Variants in TMEM181 observed in about 807,000 individuals in gnomAD.
The protein encoded by TMEM181 is transmembrane protein 181.
TMEM181 carries 39 observed loss-of-function variants against 71.9 expected under a neutral mutation model. That is an observed-to-expected ratio of 0.54 (90% confidence interval 0.42 to 0.71). The LOEUF (loss-of-function observed/expected upper bound fraction) is 0.71, where lower values mean the gene tolerates loss of function less well. Among genes scored for constraint, TMEM181 ranks in the 30% least tolerant of loss-of-function variants. TMEM181 has a pLI of 0.00. For synonymous variants in TMEM181, 245 were observed against 228.8 expected (o/e 1.07, Z -0.64); for missense variants, 595 against 583.0 (o/e 1.02, Z -0.21).
chr6:158,558,208 C>G (rs1238254572), upstream of TMEM181, among the ~76,000 whole-genome samples: 1 of 152,186 alleles, frequency 6.6e-6, no homozygotes, highest in Non-Finnish European at 1.5e-5. Flanking sequence ...GACCAGGCAG[C>G]TGGCACAGAG....
intron 1 of TMEM181, among the ~76,000 whole-genome samples, chr6:158,553,183 T>G: frequency 8.5e-6 from 1 of 117,988 alleles, no homozygotes; most frequent in Non-Finnish European, 1.7e-5. Flanking sequence ...GAGGGGTCCC[T>G]GTCTCCGAAA....
chr6:158,632,250 T>A lies in TMEM181; in HGVS notation c.*362T>A, dbSNP rs1786706761. 8.0e-6 allele frequency: 2 copies of A among 248,702 alleles called. No individual in the cohort carries two copies. The highest frequency in any genetic ancestry group is 1.6e-5 in the Non-Finnish European group (2 of 123,710). The allele number at this position is 248,702 out of a possible 1,614,324, so 15.4% of individuals were successfully genotyped here. ...TGATTCCAAGTTCACGGGCAGCCTG[T>A]GACTAGGTCCTCAGCGTGACAGCAT... is the stretch of plus-strand genomic sequence containing the variant. On this transcript the variant is annotated 3_prime_UTR_variant, in exon 17 of 17. Transcript: ENST00000684151.
chr6:158,603,413 G>T (rs1194992104), intron 6 of TMEM181, among the ~76,000 whole-genome samples: 2 of 152,244 alleles, frequency 1.3e-5, no homozygotes, highest in East Asian at 3.9e-4. Context: ...CTAATGCCCT[G>T]GCCGACCTGA....
intron 6 of TMEM181, among the ~76,000 whole-genome samples, chr6:158,594,852 T>C (rs1004540807): frequency 7.2e-5 from 11 of 152,122 alleles, no homozygotes; most frequent in African/African-American, 2.2e-4. Context: ...CATGCCCGGA[T>C]ACTTTTTGTA....
chr6:158,560,265 G>T (rs1276800750), intron 1 of TMEM181, 33 bp downstream of exon 1: 2 of 985,078 alleles, frequency 2.0e-6, no homozygotes, highest in African/African-American at 3.5e-5. Context: ...GGGCTGGCTG[G>T]CTCTCCGGAC....
intron 6 of TMEM181, among the ~76,000 whole-genome samples, chr6:158,597,460 G>T (rs568494058): frequency 1.3e-5 from 2 of 152,076 alleles, no homozygotes; most frequent in African/African-American, 4.8e-5. Context: ...GACACATTCT[G>T]TGCCCTCAGT....
chr6:158,588,585 G>A (rs1582992851), intron 5 of TMEM181, among the ~76,000 whole-genome samples: 1 of 152,182 alleles, frequency 6.6e-6, no homozygotes, highest in Admixed American at 6.5e-5. Flanking sequence ...GAGTAGCTGG[G>A]ATTACAGGCG....
intron 1 of TMEM181, among the ~76,000 whole-genome samples, chr6:158,561,282 G>C (rs150805900): frequency 6.6e-6 from 1 of 152,292 alleles, no homozygotes; most frequent in Non-Finnish European, 1.5e-5. Flanking sequence ...TTCTGACTTT[G>C]GTATGTTGCT....
chr6:158,607,361 T>TA lies in TMEM181; in HGVS notation c.673+19dup, dbSNP rs1271591032. The TA allele has an allele frequency of 6.2e-7, 1 of 1,607,800 alleles. No individual in the cohort carries two copies. The highest frequency in any genetic ancestry group is 1.3e-5 in the African/African-American group (1 of 74,936). On this transcript the variant is annotated intron_variant, in intron 8 of 16. Transcript: ENST00000684151. ...TTACAATGGTGGGTAGTTCCATTTTTACTTAGGAACTTTTCCCTTTAAAAT... is the reference window on the plus strand; with the variant it reads ...TTACAATGGTGGGTAGTTCCATTTTTAACTTAGGAACTTTTCCCTTTAAAAT...
chr6:158,609,923 T>C (rs114799347), intron 10 of TMEM181: 2,337 of 232,314 alleles, frequency 0.01, 63 homozygotes, highest in African/African-American at 0.051. Context: ...TTCCCGGGCT[T>C]CTCAGGTGGA....
intron 6 of TMEM181, among the ~76,000 whole-genome samples, chr6:158,599,712 C>G (rs1181681390): frequency 1.3e-5 from 2 of 152,154 alleles, no homozygotes; most frequent in Admixed American, 6.5e-5. Context: ...CCTTCTGGCC[C>G]CAGCTCACGG....
chr6:158,549,276 C>T (rs545134764), intron 1 of TMEM181, among the ~76,000 whole-genome samples: 46 of 152,118 alleles, frequency 3.0e-4, no homozygotes, highest in Admixed American at 1.5e-3. Context: ...CCACTATGCC[C>T]GGCTGATTTT....
At chr6:158,560,360 A>G (rs1056345282) in intron 1 of TMEM181, 128 bp downstream of exon 1, 1 of 966,122 alleles carries the variant, frequency 1.0e-6, no homozygotes, top group African/African-American at 1.8e-5. Flanking sequence ...GGGCAGGGAA[A>G]AGGGCGCTGA....
upstream of TMEM181, among the ~76,000 whole-genome samples, chr6:158,556,663 A>C (rs1781900465): frequency 1.3e-5 from 2 of 152,166 alleles, no homozygotes; most frequent in Admixed American, 1.3e-4. Context: ...TCTTTGTGCA[A>C]GGTTATGGTT....
Position 158,625,468 on chromosome 6 carries a change from G to A in TMEM181, c.1058-235G>A, listed in dbSNP as rs890307731. ...GCAGGGCGAGTCACCCTGAGCTTGC[G>A]GGATCCTTTCCTGAATCTGTCCCCA... On this transcript the variant is annotated intron_variant, in intron 12 of 16. Coordinates refer to ENST00000684151, the MANE Select transcript of TMEM181 (RefSeq NM_001376852.1). 3.9e-5 allele frequency among the ~76,000 whole-genome samples: 6 copies of A among 152,136 alleles called. No individual in the cohort carries two copies. In the East Asian group the frequency reaches 9.7e-4, roughly 25 times the overall value.
exon 1 of TMEM181, chr6:158,536,718 C>T: frequency 6.4e-7 from 1 of 1,558,236 alleles, no homozygotes; most frequent in Non-Finnish European, 8.6e-7. Context: ...GGACCGGGAC[C>T]CGGGAGGCTG....
At chr6:158,585,283 C>G (rs200954268) in intron 4 of TMEM181, 21 bp from the exon 5 acceptor site, 6 of 1,586,752 alleles carry the variant, frequency 3.8e-6, no homozygotes, top group Non-Finnish European at 5.1e-6. Context: ...GTCTCTAACA[C>G]TGAATTTTTT....
intron 10 of TMEM181, 150 bp from the exon 11 acceptor site, chr6:158,623,400 A>AT (rs1786085745): frequency 2.0e-6 from 1 of 505,510 alleles, no homozygotes; most frequent in Admixed American, 3.7e-5. Flanking sequence ...TTTCTCATAA[A>AT]TTTAGGATTG....
intron 10 of TMEM181, among the ~76,000 whole-genome samples, chr6:158,615,311 C>G (rs912022797): frequency 6.6e-5 from 10 of 152,220 alleles, no homozygotes; most frequent in Admixed American, 3.3e-4. Flanking sequence ...TGTTCATATC[C>G]TTCACCCACT....
Sources: gnomAD v4.1 joint callset for allele counts (sites outside exome capture counted in the v4.1 genomes callset) on GRCh38, gnomAD v4.1.1 for gene constraint, MANE v1.5 for transcripts, NCBI Gene and HGNC (gene_info 2026-07-23, HGNC 2026-07-21) for gene names.